Variants in CHST9 observed in about 807,000 individuals in gnomAD.
CHST9 encodes GalNAc-4-sulfotransferase 2.
In CHST9, 41 loss-of-function variants were observed where a neutral mutation model predicts 44.4. The observed-to-expected ratio is 0.92, with a 90% CI of 0.72 to 1.20. The LOEUF is 1.20. Ranked by LOEUF, CHST9 falls within the 50% of genes most tolerant of loss-of-function variation. The pLI, the probability that CHST9 is intolerant of heterozygous loss-of-function variation, is 0.00. For missense variants in CHST9, 504 were observed against 516.5 expected, an observed-to-expected ratio of 0.98 and a Z score of 0.23; for synonymous variants, 171 against 178.4, an observed-to-expected ratio of 0.96 and a Z score of 0.33.
rs2055377208 is a variant in CHST9 at position 26,906,730 on chromosome 18, C to T, written c.*9529G>A. 6 of 152,180 alleles carry T rather than the reference C, an allele frequency of 3.9e-5. No homozygotes were observed. The South Asian group carries it at 1.2e-3, about 31-fold the overall frequency. 9.4% of individuals were successfully genotyped at this position (152,180 alleles called of 1,614,324 possible). On this transcript the variant is annotated 3_prime_UTR_variant, in exon 6 of 6. Transcript: ENST00000618847. ...TACATAGAATCCTGCTTCCCAATCT[C>T]TCATAGTACTCAGGGCAGAGCATCT...
chr18:27,086,899 TA>T (rs1306031556), intron 2 of CHST9, among the ~76,000 whole-genome samples: 1 of 152,104 alleles, frequency 6.6e-6, no homozygotes, highest in East Asian at 1.9e-4. Flanking sequence ...TAATCTTGCT[TA>T]ACTGAAATGT....
In CHST9 at chr18:26,980,369, A is replaced by T. The variant is rs2056677273; in HGVS notation, c.203-36003T>A. Among the ~76,000 whole-genome samples, 10 of 152,004 alleles carry T rather than the reference A, an allele frequency of 6.6e-5. No individual in the cohort carries two copies. In the South Asian group the frequency reaches 1.9e-3, roughly 28 times the overall value. ...AAACCAGTGCTTAATCCAACTATAT[A>T]AAAAAAATGACCCATGAATGAAGAT... On this transcript the variant is annotated intron_variant, in intron 4 of 5. Coordinates refer to ENST00000618847, the MANE Select transcript of CHST9 (RefSeq NM_031422.6).
intron 4 of CHST9, among the ~76,000 whole-genome samples, chr18:26,951,235 G>A (rs1347066428): frequency 6.6e-6 from 1 of 152,190 alleles, no homozygotes; most frequent in Non-Finnish European, 1.5e-5. Flanking sequence ...ATTTCTCTAA[G>A]ATTTATAATT....
chr18:27,031,616 C>G, intron 3 of CHST9, among the ~76,000 whole-genome samples: 1 of 152,170 alleles, frequency 6.6e-6, no homozygotes, highest in East Asian at 1.9e-4. Flanking sequence ...TGCTACACTC[C>G]TCTCCAAAAA....
intron 4 of CHST9, among the ~76,000 whole-genome samples, chr18:27,018,461 A>G (rs563548924): frequency 1.1e-4 from 16 of 152,300 alleles, no homozygotes; most frequent in African/African-American, 2.9e-4. Context: ...AAAAAACCCA[A>G]CAACTTCACA....
intron 3 of CHST9, among the ~76,000 whole-genome samples, chr18:27,029,770 C>G (rs2057321355): frequency 2.6e-5 from 4 of 152,066 alleles, no homozygotes; most frequent in Non-Finnish European, 5.9e-5. Flanking sequence ...CAGACGCAAC[C>G]ATGTTTTTTC....
chr18:26,926,318 T>C (rs993501839), intron 5 of CHST9, among the ~76,000 whole-genome samples: 9 of 152,186 alleles, frequency 5.9e-5, no homozygotes, highest in African/African-American at 2.2e-4. Context: ...TGGATTTAAT[T>C]CCTATTTTTT....
chr18:26,917,391 C>T lies in CHST9; in HGVS notation c.241-41G>A, dbSNP rs369878295. ...AGGAGAAATGTTGAAAGCACAGTCA[C>T]GAGTGTGGGTATACTGGATAAGGAA... On this transcript the variant is annotated intron_variant, in intron 5 of 5. Transcript: ENST00000618847. The T allele has an allele frequency of 3.6e-4, 574 of 1,582,500 alleles. 1 individual carries two copies. Among genetic ancestry groups the T allele is most frequent in the Non-Finnish European group, 4.6e-4 (542 of 1,168,236 alleles).
chr18:26,987,079 T>A (rs2056762290), intron 4 of CHST9, among the ~76,000 whole-genome samples: 1 of 152,070 alleles, frequency 6.6e-6, no homozygotes, highest in Non-Finnish European at 1.5e-5. Flanking sequence ...GATGGGGCAG[T>A]GTTGGGAGAT....
chr18:27,090,504 G>A (rs1299544822), intron 2 of CHST9, among the ~76,000 whole-genome samples: 3 of 152,122 alleles, frequency 2.0e-5, no homozygotes, highest in African/African-American at 7.2e-5. Context: ...TGGTGTTTTA[G>A]TCATGAAGTC....
intron 2 of CHST9, among the ~76,000 whole-genome samples, chr18:27,061,786 G>A (rs1326071897): frequency 6.6e-6 from 1 of 152,072 alleles, no homozygotes. Context: ...ACTTGTTCTC[G>A]ATGAGAGCAA....
rs139196126 is a variant in CHST9, at chr18:27,051,633, C to A, written c.122-3130G>T. Among the ~76,000 whole-genome samples, 6 of 152,246 alleles carry A rather than the reference C, an allele frequency of 3.9e-5. No individual in the cohort carries two copies. The East Asian group carries it at 1.2e-3, about 29-fold the overall frequency. On this transcript the variant is annotated intron_variant, in intron 2 of 5. Coordinates refer to ENST00000618847, the MANE Select transcript of CHST9 (RefSeq NM_031422.6). Reference sequence around the variant, plus strand: ...GCTAGGCACATGAGCAATCCATTTACCAGCCCCAGTCAAGCCTTCAGCTGA... The same window carrying A: ...GCTAGGCACATGAGCAATCCATTTAACAGCCCCAGTCAAGCCTTCAGCTGA...
At chr18:26,997,227 A>G (rs1411198847) in intron 4 of CHST9, among the ~76,000 whole-genome samples, 1 of 152,246 alleles carries the variant, frequency 6.6e-6, no homozygotes, top group African/African-American at 2.4e-5. Flanking sequence ...AGAAAGGTGG[A>G]ACAACTTTCT....
intron 2 of CHST9, among the ~76,000 whole-genome samples, chr18:27,100,576 C>T (rs2058161410): frequency 6.6e-6 from 1 of 152,068 alleles, no homozygotes; most frequent in African/African-American, 2.4e-5. Flanking sequence ...CAAAAATTCC[C>T]CTGTGGTTTT....
rs1297496850 is a variant in CHST9 at position 26,939,006 on chromosome 18, C to T, written c.240+5323G>A. 2.6e-5 allele frequency among the ~76,000 whole-genome samples: 4 copies of T among 152,230 alleles called. No individual in the cohort carries two copies. In the East Asian group the frequency reaches 7.7e-4, roughly 29 times the overall value. ...TTTAGTGATCTGAAGAATTTACATT[C>T]TGCCAGCAGTTGATCGAGTTCTTAT... On this transcript the variant is annotated intron_variant, in intron 5 of 5. Coordinates refer to ENST00000618847, the MANE Select transcript of CHST9 (RefSeq NM_031422.6).
At chr18:27,048,659 T>C (rs147291171) in intron 2 of CHST9, among the ~76,000 whole-genome samples, 156 bp from the exon 3 acceptor site, 44 of 152,280 alleles carry the variant, frequency 2.9e-4, no homozygotes, top group African/African-American at 9.4e-4. Context: ...CTGACAGGCA[T>C]AAGAACTGCT....
At chr18:27,163,427 G>A (rs1324858063) in intron 1 of CHST9, among the ~76,000 whole-genome samples, 1 of 152,192 alleles carries the variant, frequency 6.6e-6, no homozygotes, top group Non-Finnish European at 1.5e-5. Context: ...GTCTACAGAG[G>A]CAGGCAGGCC....
intron 4 of CHST9, among the ~76,000 whole-genome samples, chr18:26,980,493 AT>A (rs1349796226): frequency 6.6e-6 from 1 of 152,166 alleles, no homozygotes; most frequent in African/African-American, 2.4e-5. Flanking sequence ...GACAGAATTA[AT>A]GTTCAGTACA....
chr18:27,181,306 T>C (rs924695203), intron 1 of CHST9, among the ~76,000 whole-genome samples: 1 of 152,218 alleles, frequency 6.6e-6, no homozygotes, highest in Non-Finnish European at 1.5e-5. Flanking sequence ...AAGTAACTCA[T>C]CTACAACCCA....
Sources: allele counts gnomAD v4.1 joint callset (sites outside exome capture counted in the v4.1 genomes callset), GRCh38; gene constraint gnomAD v4.1.1; transcripts MANE v1.5; gene names NCBI Gene and HGNC (gene_info 2026-07-23, HGNC 2026-07-21).